Variants in GRID2 observed in about 807,000 individuals in gnomAD.
The protein encoded by GRID2 is glutamate ionotropic receptor delta type subunit 2.
Under a neutral mutation model 114.8 loss-of-function variants are expected in GRID2, and 33 were observed. The observed-to-expected ratio is 0.29, with a 90% confidence interval of 0.22 to 0.38. The LOEUF (loss-of-function observed/expected upper bound fraction) is 0.38, where lower values mean the gene tolerates loss of function less well. Ranked by LOEUF, GRID2 falls within the 10% of genes least tolerant of loss-of-function variation. The pLI, the probability that GRID2 is intolerant of heterozygous loss-of-function variation, is 1.00. For missense variants in GRID2, 1,184 were observed against 1,257.7 expected, an observed-to-expected ratio of 0.94 and a Z score of 0.89; for synonymous variants, 505 against 449.9, an observed-to-expected ratio of 1.12 and a Z score of -1.55.
chr4:92,928,879 A>C (rs904381291), intron 2 of GRID2, among the ~76,000 whole-genome samples: 3 of 151,458 alleles, frequency 2.0e-5, no homozygotes, highest in African/African-American at 7.3e-5. Context: ...ATTTTTTGAG[A>C]ACCATCTTTG....
At chr4:93,217,132 A>G (rs1744317117) in intron 6 of GRID2, 1 of 372,950 alleles carries the variant, frequency 2.7e-6, no homozygotes, top group Non-Finnish European at 4.8e-6. Context: ...ATAAAAAAAT[A>G]TAATAAGTAA....
At chr4:92,431,761 G>C (rs1732465591) in intron 1 of GRID2, among the ~76,000 whole-genome samples, 1 of 152,122 alleles carries the variant, frequency 6.6e-6, no homozygotes, top group Non-Finnish European at 1.5e-5. Context: ...ATTTGGTGAA[G>C]TCATGTTTTA....
intron 1 of GRID2, among the ~76,000 whole-genome samples, chr4:92,324,283 C>T (rs2110131941): frequency 6.6e-6 from 1 of 152,108 alleles, no homozygotes; most frequent in South Asian, 2.1e-4. Context: ...GCACTCTCCA[C>T]TCTTCTTTCC....
chr4:93,112,715 A>T (rs958676651), intron 4 of GRID2, among the ~76,000 whole-genome samples: 5 of 152,168 alleles, frequency 3.3e-5, no homozygotes, highest in Admixed American at 2.6e-4. Context: ...ACAGTTCTGG[A>T]GGCTAGAAAT....
intron 4 of GRID2, among the ~76,000 whole-genome samples, chr4:93,147,360 T>C (rs975461884): frequency 1.3e-5 from 2 of 152,226 alleles, no homozygotes; most frequent in African/African-American, 4.8e-5. Context: ...AAATATTTTC[T>C]CTTTGACCTA....
chr4:93,733,151 A>T (rs983100930), intron 14 of GRID2, among the ~76,000 whole-genome samples: 2 of 152,138 alleles, frequency 1.3e-5, no homozygotes, highest in South Asian at 4.1e-4. Flanking sequence ...TGCTTATTTT[A>T]GGTTTCATAT....
At chr4:93,650,631 T>C (rs1221149807) in intron 14 of GRID2, among the ~76,000 whole-genome samples, 1 of 152,202 alleles carries the variant, frequency 6.6e-6, no homozygotes, top group Non-Finnish European at 1.5e-5. Flanking sequence ...TAGGAGTTTC[T>C]AAGCAAATGC....
intron 1 of GRID2, among the ~76,000 whole-genome samples, chr4:92,436,521 G>A (rs28620282): frequency 6.6e-6 from 1 of 151,540 alleles, no homozygotes; most frequent in African/African-American, 2.4e-5. Flanking sequence ...TTTTTGGTTT[G>A]TTTACATTTT....
At chr4:92,455,775 T>C (rs563511425) in intron 1 of GRID2, among the ~76,000 whole-genome samples, 3 of 152,268 alleles carry the variant, frequency 2.0e-5, no homozygotes, top group Non-Finnish European at 4.4e-5. Flanking sequence ...ATGAATTTTG[T>C]TATGCTTGTG....
intron 2 of GRID2, among the ~76,000 whole-genome samples, chr4:92,721,563 C>T (rs551034810): frequency 6.6e-6 from 1 of 152,044 alleles, no homozygotes; most frequent in East Asian, 1.9e-4. Flanking sequence ...GAGAAAAGTA[C>T]TAAAAAGACA....
intron 8 of GRID2, among the ~76,000 whole-genome samples, chr4:93,303,737 A>T (rs1174510804): frequency 6.6e-6 from 1 of 151,192 alleles, no homozygotes; most frequent in African/African-American, 2.5e-5. Flanking sequence ...CCAGCAATCC[A>T]TTCTACCATC....
intron 1 of GRID2, among the ~76,000 whole-genome samples, chr4:92,528,517 C>T (rs1337633941): frequency 6.6e-6 from 1 of 151,516 alleles, no homozygotes; most frequent in African/African-American, 2.4e-5. Flanking sequence ...AATTAATATC[C>T]GTTCATTTAG....
chr4:93,185,543 A>C (rs576560676), intron 4 of GRID2, among the ~76,000 whole-genome samples: 1 of 152,284 alleles, frequency 6.6e-6, no homozygotes, highest in African/African-American at 2.4e-5. Flanking sequence ...TAAGATTTGT[A>C]ATATAAACAT....
chr4:93,099,827 C>G (rs1731547738), intron 3 of GRID2, among the ~76,000 whole-genome samples: 1 of 151,778 alleles, frequency 6.6e-6, no homozygotes, highest in Non-Finnish European at 1.5e-5. Flanking sequence ...GAATGCATTC[C>G]TAAGAATCAC....
At chr4:93,671,869 G>A (rs1452518058) in intron 14 of GRID2, among the ~76,000 whole-genome samples, 1 of 151,970 alleles carries the variant, frequency 6.6e-6, no homozygotes, top group East Asian at 1.9e-4. Flanking sequence ...CCAGATACTT[G>A]GAGGCTGAGG....
chr4:92,515,113 T>A (rs1208339330), intron 1 of GRID2, among the ~76,000 whole-genome samples: 1 of 151,632 alleles, frequency 6.6e-6, no homozygotes, highest in African/African-American at 2.4e-5. Flanking sequence ...GTTATATTTT[T>A]ATATTGACGT....
chr4:92,715,602 T>C (rs555485555), intron 2 of GRID2, among the ~76,000 whole-genome samples: 2 of 152,228 alleles, frequency 1.3e-5, no homozygotes, highest in South Asian at 2.1e-4. Flanking sequence ...CTTACAATCA[T>C]GGTGGAAGAA....
intron 2 of GRID2, among the ~76,000 whole-genome samples, chr4:92,758,801 T>A (rs557300312): frequency 6.6e-6 from 1 of 152,204 alleles, no homozygotes; most frequent in South Asian, 2.1e-4. Flanking sequence ...ATCAGTTGAG[T>A]CCATGCAGGA....
At position 93,212,771 on chromosome 4, in the gene GRID2, G is replaced by GT. The variant is rs1339261299; in HGVS notation, c.790-3965dup. Among the ~76,000 whole-genome samples, 84 of 74,438 alleles carry GT rather than the reference G, an allele frequency of 1.1e-3. No homozygotes were observed. In the East Asian group the frequency reaches 0.026, roughly 23 times the overall value. 48.8% of individuals were successfully genotyped at this position (74,438 alleles called of 152,430 possible). A position where few individuals can be genotyped will look rare whatever the true frequency, so the allele number is the denominator to read the frequency against. ...GAGAAAGTTGTTGGTTTGGTTTTTT[G>GT]TTGTTTTTTTTTTCTTTTTTGACAG... On this transcript the variant is annotated intron_variant, in intron 5 of 15. Transcript: ENST00000282020.
Sources: gnomAD v4.1 joint callset for allele counts (sites outside exome capture counted in the v4.1 genomes callset) on GRCh38, gnomAD v4.1.1 for gene constraint, MANE v1.5 for transcripts, NCBI Gene and HGNC (gene_info 2026-07-23, HGNC 2026-07-21) for gene names.